ABHD3: variants seen among roughly 807,000 people sequenced by gnomAD.
ABHD3 encodes the protein phospholipase ABHD3.
ABHD3 carries 46 observed loss-of-function variants against 48.8 expected under a neutral mutation model. The observed-to-expected ratio is 0.94, with a 90% confidence interval of 0.74 to 1.20. ABHD3 has a LOEUF of 1.20. ABHD3 is among the 50% of genes most tolerant of loss of function. ABHD3 has a pLI of 0.00. For missense variants in ABHD3, 490 were observed against 497.8 expected (o/e 0.98, Z 0.15); for synonymous variants, 192 against 183.7 (o/e 1.04, Z -0.36).
chr18:21,663,415 G>A (rs1019944665), intron 5 of ABHD3, among the ~76,000 whole-genome samples: 3 of 150,904 alleles, frequency 2.0e-5, no homozygotes, highest in African/African-American at 4.9e-5. Flanking sequence ...TAAAATTCCC[G>A]ATAATAAAAA....
intron 4 of ABHD3, among the ~76,000 whole-genome samples, chr18:21,669,508 A>G (rs753316811): frequency 1.7e-4 from 26 of 151,910 alleles, no homozygotes; most frequent in Non-Finnish European, 3.4e-4. Flanking sequence ...CTACTCCCCT[A>G]TCTTCATCAA....
At chr18:21,685,661 T>C (rs1471723945) in intron 3 of ABHD3, among the ~76,000 whole-genome samples, 2 of 152,268 alleles carry the variant, frequency 1.3e-5, no homozygotes, top group East Asian at 3.9e-4. Flanking sequence ...GCTGAGTAGC[T>C]GGGACCACAG....
Position 21,701,916 on chromosome 18 carries a change from C to T in ABHD3, c.509+400G>A, listed in dbSNP as rs73963237. On this transcript the variant is annotated intron_variant, in intron 3 of 8. Transcript: ENST00000289119. ...TTTGCACTTGGGAGCTGAGCCAGGGCGACAAGATTAGTGAATCCAGGCCCC... is the reference window on the plus strand; with the variant it reads ...TTTGCACTTGGGAGCTGAGCCAGGGTGACAAGATTAGTGAATCCAGGCCCC... The T allele has an allele frequency of 6.2e-4, 95 of 153,864 alleles. 1 individual carries two copies. In the Middle Eastern group the frequency reaches 0.027, roughly 43 times the overall value. The allele number at this position is 153,864 out of a possible 1,614,324, so 9.5% of individuals were successfully genotyped here.
chr18:21,677,791 C>T (rs1038254434), intron 4 of ABHD3, among the ~76,000 whole-genome samples: 16 of 151,812 alleles, frequency 1.1e-4, no homozygotes, highest in African/African-American at 3.9e-4. Context: ...TCAAGCGATT[C>T]CCCTGCCTCA....
chr18:21,659,537 A>G (rs896695973), intron 5 of ABHD3, among the ~76,000 whole-genome samples, 194 bp from the exon 6 acceptor site: 2 of 152,212 alleles, frequency 1.3e-5, no homozygotes, highest in African/African-American at 2.4e-5. Flanking sequence ...CTTGCAGTCA[A>G]CTATGTGGTA....
intron 5 of ABHD3, among the ~76,000 whole-genome samples, chr18:21,663,383 C>T (rs889612559): frequency 2.0e-5 from 3 of 151,638 alleles, no homozygotes; most frequent in Non-Finnish European, 1.5e-5. Context: ...TGGACAATGG[C>T]TTCAGGAATC....
chr18:21,693,718 G>A (rs888008300), intron 3 of ABHD3, among the ~76,000 whole-genome samples: 1 of 152,074 alleles, frequency 6.6e-6, no homozygotes, highest in Non-Finnish European at 1.5e-5. Context: ...TACTCAATCT[G>A]GCTAGTCTCA....
At chr18:21,692,863 A>G (rs1243254661) in intron 3 of ABHD3, among the ~76,000 whole-genome samples, 4 of 152,208 alleles carry the variant, frequency 2.6e-5, no homozygotes, top group African/African-American at 7.2e-5. Context: ...CCTATTTAAT[A>G]AGCAAAGTGC....
At chr18:21,665,625 A>G (rs1044069866) in intron 4 of ABHD3, among the ~76,000 whole-genome samples, 3 of 152,086 alleles carry the variant, frequency 2.0e-5, no homozygotes, top group African/African-American at 7.2e-5. Context: ...GATCCTGGCT[A>G]AAACAGCGAA....
rs1387558046 is a variant in ABHD3, at chr18:21,650,926, TATA to T, written c.*662_*664del. On this transcript the variant is annotated 3_prime_UTR_variant, in exon 9 of 9. Transcript: ENST00000289119. Reference sequence around the variant, plus strand: ...TTTAAAATGGTAGAATTTATTTTAATATAATGATATATATGTGTCCACATATAC... The same window carrying T: ...TTTAAAATGGTAGAATTTATTTTAATATGATATATATGTGTCCACATATAC... 1 of 152,198 alleles carries T rather than the reference TATA, an allele frequency of 6.6e-6. No individual in the cohort carries two copies. The highest frequency in any genetic ancestry group is 2.4e-5 in the African/African-American group (1 of 41,468). The allele number at this position is 152,198 out of a possible 1,614,324, so 9.4% of individuals were successfully genotyped here. A position where few individuals can be genotyped will look rare whatever the true frequency, so the allele number is the denominator to read the frequency against.
intron 4 of ABHD3, among the ~76,000 whole-genome samples, chr18:21,681,796 G>A (rs907606408): frequency 6.6e-6 from 1 of 152,238 alleles, no homozygotes; most frequent in African/African-American, 2.4e-5. Context: ...TTTGTTGGGA[G>A]GGGTAAGTTC....
At chr18:21,683,783 T>C (rs1362431855) in intron 4 of ABHD3, 137 bp downstream of exon 4, 1 of 830,138 alleles carries the variant, frequency 1.2e-6, no homozygotes, top group Non-Finnish European at 1.7e-6. Flanking sequence ...TTTTTTTCCA[T>C]ATCTGTATTT....
intron 8 of ABHD3, chr18:21,654,823 G>C (rs1427237084): frequency 6.6e-6 from 1 of 152,108 alleles, no homozygotes; most frequent in Non-Finnish European, 1.5e-5. Flanking sequence ...ATTTCATTGC[G>C]GCAAGACTAT....
At position 21,702,158 on chromosome 18, in the gene ABHD3, AAAAG is replaced by A. The variant is rs150587310; in HGVS notation, c.509+154_509+157del. 6.1e-3 allele frequency: 3,939 copies of A among 641,364 alleles called. 120 individuals are homozygous for A. The African/African-American group carries it at 0.065, about 11-fold the overall frequency. The allele number at this position is 641,364 out of a possible 1,614,324, so 39.7% of individuals were successfully genotyped here. On this transcript the variant is annotated intron_variant, in intron 3 of 8. Coordinates refer to ENST00000289119, the MANE Select transcript of ABHD3 (RefSeq NM_138340.5). ...GATGATTCAGTTATGCATCTTCCTG[AAAAG>A]AAAGAGGAAAAAAAGAATGCAGAGA... is the stretch of plus-strand genomic sequence containing the variant.
At position 21,654,324 on chromosome 18, in the gene ABHD3, C is replaced by A. The variant is rs544478988; in HGVS notation, c.1057+2537G>T. The stretch of plus-strand genomic sequence containing the variant: ...TAAAGGTAACAGCTTCTCTACCTCA[C>A]CCCCTTGTAAGAAAAAGGAAGCTAA... On this transcript the variant is annotated intron_variant, in intron 8 of 8. Coordinates refer to ENST00000289119, the MANE Select transcript of ABHD3 (RefSeq NM_138340.5). 5.9e-5 allele frequency among the ~76,000 whole-genome samples: 9 copies of A among 152,234 alleles called. No individual in the cohort carries two copies. In the South Asian group the frequency reaches 1.9e-3, roughly 32 times the overall value.
chr18:21,670,520 G>A (rs1409531313), intron 4 of ABHD3, among the ~76,000 whole-genome samples: 1 of 152,162 alleles, frequency 6.6e-6, no homozygotes, highest in Non-Finnish European at 1.5e-5. Flanking sequence ...CCTCTGCCAA[G>A]CATTCAAGAC....
At chr18:21,678,605 T>A (rs902219657) in intron 4 of ABHD3, among the ~76,000 whole-genome samples, 2 of 134,138 alleles carry the variant, frequency 1.5e-5, no homozygotes, top group Admixed American at 7.6e-5. Context: ...TTTCAACAAA[T>A]CTTGGCTGAG....
At position 21,651,559 on chromosome 18, in the gene ABHD3, G is replaced by C; in HGVS notation, c.*32C>G. 1 of 1,611,918 alleles carries C rather than the reference G, an allele frequency of 6.2e-7. No individual in the cohort carries two copies. Among genetic ancestry groups the C allele is most frequent in the Non-Finnish European group, 8.5e-7 (1 of 1,179,198 alleles). ...AAGCTGAGCTGCCTTCACAATTGTG[G>C]TTCAGACAAAATGCACCCAAAGAAC... On this transcript the variant is annotated 3_prime_UTR_variant, in exon 9 of 9. Coordinates refer to ENST00000289119, the MANE Select transcript of ABHD3 (RefSeq NM_138340.5).
chr18:21,657,170 CG>C lies in ABHD3; in HGVS notation c.843-19del. The C allele has an allele frequency of 6.3e-7, 1 of 1,587,316 alleles. No individual in the cohort carries two copies. Among genetic ancestry groups the C allele is most frequent in the Non-Finnish European group, 8.6e-7 (1 of 1,168,546 alleles). On this transcript the variant is annotated intron_variant, in intron 6 of 8. Coordinates refer to ENST00000289119, the MANE Select transcript of ABHD3 (RefSeq NM_138340.5). ...GTCGGTGCCTGGAACAAAAGAATTT[CG>C]GAAGTAAAAATCAAGATCATTCCTA... is the stretch of plus-strand genomic sequence containing the variant.
Sources: gnomAD v4.1 joint callset for allele counts (sites outside exome capture counted in the v4.1 genomes callset) on GRCh38, gnomAD v4.1.1 for gene constraint, MANE v1.5 for transcripts, NCBI Gene and HGNC (gene_info 2026-07-23, HGNC 2026-07-21) for gene names.